The following ZNF140 variants were observed in gnomAD, a reference collection of about 807,000 sequenced individuals.
ZNF140 encodes the protein zinc finger protein 140, also known as zinc finger protein 140 (clone pHZ-39).
ZNF140 carries 13 observed loss-of-function variants against 12.9 expected under a neutral mutation model. That is an observed-to-expected ratio of 1.01 (90% CI 0.66 to 1.60). The LOEUF (loss-of-function observed/expected upper bound fraction) is 1.60. Ranked by LOEUF, ZNF140 falls within the 40% of genes most tolerant of loss-of-function variation. The pLI, the probability that ZNF140 is intolerant of heterozygous loss-of-function variation, is 0.00. For synonymous variants in ZNF140, 214 were observed against 186.7 expected, an observed-to-expected ratio of 1.15 and a Z score of -1.19; for missense variants, 531 against 548.8, an observed-to-expected ratio of 0.97 and a Z score of 0.32.
intron 4 of ZNF140, among the ~76,000 whole-genome samples, chr12:133,094,536 A>G (rs1021210609): frequency 8.6e-5 from 13 of 151,214 alleles, no homozygotes; most frequent in Non-Finnish European, 1.9e-4. Context: ...TTTCTGAATT[A>G]CAAACACAGG....
intron 4 of ZNF140, among the ~76,000 whole-genome samples, chr12:133,087,673 T>C (rs2137500459): frequency 6.6e-6 from 1 of 152,262 alleles, no homozygotes; most frequent in East Asian, 1.9e-4. Context: ...AAAGTAGACA[T>C]TTAGGAGTTA....
intron 4 of ZNF140, among the ~76,000 whole-genome samples, chr12:133,104,318 G>C (rs1307967109): frequency 6.6e-6 from 1 of 150,924 alleles, no homozygotes; most frequent in Non-Finnish European, 1.5e-5. Context: ...ATACACTTAA[G>C]TGTAGATTTC....
intron 4 of ZNF140, among the ~76,000 whole-genome samples, chr12:133,104,505 T>G (rs615494): frequency 6.6e-6 from 1 of 151,948 alleles, no homozygotes; most frequent in African/African-American, 2.4e-5. Context: ...GTGCATGCCA[T>G]CACGCCTGGC....
Position 133,083,700 on chromosome 12 carries a change from CGG to C in ZNF140, c.232+140_232+141del. 3.9e-6 allele frequency: 3 copies of C among 775,618 alleles called. No homozygotes were observed. In the Middle Eastern group the frequency reaches 9.5e-4, roughly 247 times the overall value. The allele number at this position is 775,618 out of a possible 1,614,324, so 48.0% of individuals were successfully genotyped here. On this transcript the variant is annotated intron_variant, in intron 4 of 4. Transcript: ENST00000355557. ...ATACGCTAGGCACGGTGGCTCATGC[CGG>C]TAATCCCAGCACTTTGGGAGGCCGA... is the stretch of plus-strand genomic sequence containing the variant.
At chr12:133,099,919 T>C (rs1345709539) in intron 4 of ZNF140, among the ~76,000 whole-genome samples, 1 of 151,790 alleles carries the variant, frequency 6.6e-6, no homozygotes, top group African/African-American at 2.4e-5. Flanking sequence ...GGCTACAGAA[T>C]TGTGGGCTTG....
At chr12:133,081,534 C>T in intron 2 of ZNF140, 1 of 457,148 alleles carries the variant, frequency 2.2e-6, no homozygotes, top group South Asian at 1.5e-5. Context: ...TTTTTCAGGA[C>T]TTGGGACGTG....
Position 133,106,134 on chromosome 12 carries a change from C to T in ZNF140, c.857C>T (p.Ser286Leu). 2 of 1,614,114 alleles carry T rather than the reference C, an allele frequency of 1.2e-6. No homozygotes were observed. Among genetic ancestry groups the T allele is most frequent in the Non-Finnish European group, 1.7e-6 (2 of 1,180,010 alleles). Residue 286 changes from serine to leucine, a missense_variant, in exon 5 of 5, where the codon TCA becomes TTA. Transcript: ENST00000355557. ...RKCGKAFSSG[S>L]ELIRHQITHT... ...TGTGGTAAAGCATTTAGCAGTGGCT[C>T]AGAACTCATTCGCCACCAGATTACA... is the stretch of plus-strand genomic sequence containing the variant.
At chr12:133,083,682 A>G (rs1954575778) in intron 4 of ZNF140, 121 bp downstream of exon 4, 23 of 911,960 alleles carry the variant, frequency 2.5e-5, no homozygotes, top group Non-Finnish European at 1.7e-6. Flanking sequence ...GAGATACGCT[A>G]GGCACGGTGG....
At position 133,107,405 on chromosome 12, in the gene ZNF140, A is replaced by G. The variant is rs1304035462; in HGVS notation, c.*754A>G. ...TAAGTGAATTCAGAAAATGTTATAAATAAATCTTTTGGTTTATTATAAACC... is the reference window on the plus strand; with the variant it reads ...TAAGTGAATTCAGAAAATGTTATAAGTAAATCTTTTGGTTTATTATAAACC... On this transcript the variant is annotated 3_prime_UTR_variant, in exon 5 of 5. Transcript: ENST00000355557. The G allele has an allele frequency of 6.6e-6, 1 of 152,026 alleles. No individual in the cohort carries two copies. The highest frequency in any genetic ancestry group is 2.4e-5 in the African/African-American group (1 of 41,264). 9.4% of individuals were successfully genotyped at this position (152,026 alleles called of 1,614,324 possible).
chr12:133,096,386 T>C (rs1955128160), intron 4 of ZNF140, among the ~76,000 whole-genome samples: 1 of 152,318 alleles, frequency 6.6e-6, no homozygotes, highest in African/African-American at 2.4e-5. Context: ...AGCAATTGTT[T>C]AAAGTACAGG....
At chr12:133,102,027 A>T (rs1168222567) in intron 4 of ZNF140, among the ~76,000 whole-genome samples, 1 of 152,106 alleles carries the variant, frequency 6.6e-6, no homozygotes, top group African/African-American at 2.4e-5. Context: ...TGTACTGAGT[A>T]AAAGGAACTG....
chr12:133,106,645 C>T lies in ZNF140; in HGVS notation c.1368C>T (p.His456=). 2.5e-6 allele frequency: 4 copies of T among 1,574,754 alleles called. No individual in the cohort carries two copies. Among genetic ancestry groups the T allele is most frequent in the Non-Finnish European group, 3.4e-6 (4 of 1,166,056 alleles). ...SFNYHSFLTE[H]Q Reference sequence around the variant, plus strand: ...ATTACCACTCATTCCTTACTGAACACCAGTGAATTTACACTGCAAAGAAAA... The same window carrying T: ...ATTACCACTCATTCCTTACTGAACATCAGTGAATTTACACTGCAAAGAAAA... Residue 456 remains histidine (H), a synonymous_variant, in exon 5 of 5, where the codon CAC becomes CAT. Coordinates refer to ENST00000355557, the MANE Select transcript of ZNF140 (RefSeq NM_003440.4).
At chr12:133,083,959 CAA>C (rs1236461703) in intron 4 of ZNF140, among the ~76,000 whole-genome samples, 12 of 122,974 alleles carry the variant, frequency 9.8e-5, no homozygotes, top group Admixed American at 1.7e-4. Context: ...GACTCCATCT[CAA>C]AAAAAAAAAA....
intron 4 of ZNF140, among the ~76,000 whole-genome samples, chr12:133,091,128 G>A (rs1954865880): frequency 1.3e-5 from 2 of 149,834 alleles, no homozygotes; most frequent in South Asian, 4.2e-4. Context: ...GTCGGGCTGG[G>A]GGACGGTCAG....
At chr12:133,087,191 T>G (rs2137498470) in intron 4 of ZNF140, among the ~76,000 whole-genome samples, 1 of 151,918 alleles carries the variant, frequency 6.6e-6, no homozygotes, top group African/African-American at 2.4e-5. Context: ...GGAAATAAAG[T>G]GAAGAAGTAG....
chr12:133,096,674 T>C (rs1237305342), intron 4 of ZNF140, among the ~76,000 whole-genome samples: 4 of 152,242 alleles, frequency 2.6e-5, no homozygotes, highest in African/African-American at 9.6e-5. Context: ...GTTTTGAGAT[T>C]TTCCTTTTAA....
chr12:133,104,580 T>C (rs951509496), intron 4 of ZNF140, among the ~76,000 whole-genome samples: 11 of 152,164 alleles, frequency 7.2e-5, no homozygotes, highest in Non-Finnish European at 1.5e-4. Context: ...CTCGATCTCC[T>C]GACCTCATGA....
rs1593734785 is a variant in ZNF140 at position 133,081,371 on chromosome 12, A to AT, written c.9+42_9+43insT. 9.3e-3 allele frequency: 2,344 copies of AT among 251,040 alleles called. 65 individuals carry two copies. The highest frequency in any genetic ancestry group is 0.034 in the African/African-American group (1,202 of 35,448). 15.6% of individuals were successfully genotyped at this position (251,040 alleles called of 1,614,324 possible). A position where few individuals can be genotyped will look rare whatever the true frequency, so the allele number is the denominator to read the frequency against. ...TAAATATATATATATATATATATATAAATTTTTATTTTTTTTTTAAGAGAG... is the reference window on the plus strand; with the variant it reads ...TAAATATATATATATATATATATATATAATTTTTATTTTTTTTTTAAGAGAG... On this transcript the variant is annotated intron_variant, in intron 2 of 4. Transcript: ENST00000355557.
intron 4 of ZNF140, among the ~76,000 whole-genome samples, chr12:133,090,549 T>A (rs891118763): frequency 6.6e-6 from 1 of 152,068 alleles, no homozygotes; most frequent in Non-Finnish European, 1.5e-5. Flanking sequence ...AGGGGTGGCC[T>A]GCCCCTCCAC....
Sources: gnomAD v4.1 joint callset for allele counts (sites outside exome capture counted in the v4.1 genomes callset) on GRCh38, gnomAD v4.1.1 for gene constraint, MANE v1.5 for transcripts, NCBI Gene and HGNC (gene_info 2026-07-23, HGNC 2026-07-21) for gene names.